Variants in NIPA1 observed in about 807,000 individuals in gnomAD.
The protein encoded by NIPA1 is NIPA magnesium transporter 1.
A neutral mutation model predicts 23.9 loss-of-function variants in NIPA1; 13 were observed. The observed-to-expected ratio is 0.54, with a 90% CI of 0.35 to 0.87. The LOEUF (loss-of-function observed/expected upper bound fraction) is 0.87, where lower values mean the gene tolerates loss of function less well. Among genes scored for constraint, NIPA1 ranks in the 40% least tolerant of loss-of-function variants. The pLI is 0.01. For missense variants in NIPA1, 362 were observed against 429.7 expected, an observed-to-expected ratio of 0.84 and a Z score of 1.39; for synonymous variants, 234 against 202.9, an observed-to-expected ratio of 1.15 and a Z score of -1.30.
At chr15:22,786,298 C>G (rs62001112), upstream of NIPA1, 38,302 of 152,244 alleles carry the variant, frequency 0.25, 6,135 homozygotes, top group Non-Finnish European at 0.36. Context: ...CGCTGCCCGC[C>G]GGTGCGTCCT....
At chr15:22,788,728 T>C (rs1406590212) in intron 1 of NIPA1, among the ~76,000 whole-genome samples, 1 of 151,178 alleles carries the variant, frequency 6.6e-6, no homozygotes, top group Non-Finnish European at 1.5e-5. Context: ...AATTGGTGAA[T>C]AGGAAAATAA....
intron 1 of NIPA1, among the ~76,000 whole-genome samples, chr15:22,806,748 A>G (rs1895219602): frequency 6.6e-6 from 1 of 152,134 alleles, no homozygotes; most frequent in South Asian, 2.1e-4. Flanking sequence ...TATCTGTATG[A>G]CGGGCCAAGG....
intron 1 of NIPA1, among the ~76,000 whole-genome samples, chr15:22,803,837 G>A (rs1487097680): frequency 6.6e-6 from 1 of 150,540 alleles, no homozygotes; most frequent in Admixed American, 6.7e-5. Flanking sequence ...CCGCCACCAC[G>A]CCCGGCTAAT....
At chr15:22,812,104 A>G in intron 2 of NIPA1, 59 bp from the exon 3 acceptor site, 2 of 1,241,546 alleles carry the variant, frequency 1.6e-6, no homozygotes, top group Middle Eastern at 1.9e-4. Context: ...TTCAACTGTG[A>G]TCAGTGCTGG....
At chr15:22,803,618 C>T (rs1296888487) in intron 1 of NIPA1, among the ~76,000 whole-genome samples, 4 of 144,960 alleles carry the variant, frequency 2.8e-5, no homozygotes, top group South Asian at 2.2e-4. Context: ...AAGTGATTCT[C>T]CTGCCTCAGC....
chr15:22,798,720 C>T (rs1322429340), intron 1 of NIPA1, among the ~76,000 whole-genome samples: 1 of 149,960 alleles, frequency 6.7e-6, no homozygotes, highest in African/African-American at 2.5e-5. Context: ...CCTGTAGTCC[C>T]AGCTACTCGG....
rs548342137 is a variant in NIPA1 at position 22,829,361 on chromosome 15, G to A, written c.*5122G>A. ...ATGTCAGGGCTCCCAAACCACTAGT[G>A]CCAAAGGGTCATGTTGAAAAGTTCA... On this transcript the variant is annotated 3_prime_UTR_variant, in exon 5 of 5. Coordinates refer to ENST00000337435, the MANE Select transcript of NIPA1 (RefSeq NM_144599.5). 6.6e-6 allele frequency: 1 copy of A among 152,410 alleles called. No homozygotes were observed. The highest frequency in any genetic ancestry group is 1.5e-5 in the Non-Finnish European group (1 of 68,038). 9.4% of individuals were successfully genotyped at this position (152,410 alleles called of 1,614,324 possible). A position where few individuals can be genotyped will look rare whatever the true frequency, so the allele number is the denominator to read the frequency against.
chr15:22,809,815 G>A (rs1045488448), intron 1 of NIPA1, among the ~76,000 whole-genome samples: 8 of 152,048 alleles, frequency 5.3e-5, no homozygotes, highest in South Asian at 2.1e-4. Context: ...CGAGGTGGGC[G>A]GATCACCTGA....
At chr15:22,804,267 C>T (rs949319174) in intron 1 of NIPA1, among the ~76,000 whole-genome samples, 7 of 151,846 alleles carry the variant, frequency 4.6e-5, no homozygotes, top group East Asian at 1.9e-4. Context: ...TGTGAGCCAC[C>T]GCACCCAGCT....
intron 3 of NIPA1, chr15:22,813,612 T>A (rs1258282051): frequency 1.5e-5 from 7 of 455,700 alleles, no homozygotes; most frequent in Non-Finnish European, 3.1e-5. Flanking sequence ...ATGGATACAT[T>A]GGTTTTCTGC....
At chr15:22,788,204 TAGA>T (rs1894751916) in intron 1 of NIPA1, among the ~76,000 whole-genome samples, 1 of 151,704 alleles carries the variant, frequency 6.6e-6, no homozygotes, top group South Asian at 2.1e-4. Context: ...CAAACCGGAG[TAGA>T]AGAACATCTT....
At chr15:22,820,552 T>C (rs1332640091) in intron 4 of NIPA1, 79 bp downstream of exon 4, 20 of 1,066,230 alleles carry the variant, frequency 1.9e-5, no homozygotes, top group Non-Finnish European at 2.9e-5. Flanking sequence ...TCAAATTGGA[T>C]GCTTCCTGGC....
intron 4 of NIPA1, among the ~76,000 whole-genome samples, chr15:22,821,057 G>A (rs12899420): frequency 0.21 from 31,666 of 150,426 alleles, 3,913 homozygotes; most frequent in East Asian, 0.51. Flanking sequence ...AGCTCACTGC[G>A]AGCTCCGCCA....
chr15:22,827,628 G>GTT lies in NIPA1; in HGVS notation c.*3390_*3391dup, dbSNP rs1895677894. On this transcript the variant is annotated 3_prime_UTR_variant, in exon 5 of 5. Coordinates refer to ENST00000337435, the MANE Select transcript of NIPA1 (RefSeq NM_144599.5). ...ACTACACCCAGTTGTCTTTCCAGAA[G>GTT]TTCATCCCAGCGGTAATATGTTGGT... 6.6e-6 allele frequency: 1 copy of GTT among 152,186 alleles called. No individual in the cohort carries two copies. The highest frequency in any genetic ancestry group is 2.4e-5 in the African/African-American group (1 of 41,426). The allele number at this position is 152,186 out of a possible 1,614,324, so 9.4% of individuals were successfully genotyped here.
intron 3 of NIPA1, among the ~76,000 whole-genome samples, chr15:22,814,899 C>T (rs1895387032): frequency 6.6e-6 from 1 of 152,164 alleles, no homozygotes. Context: ...ACTGTTGATG[C>T]TTGAAGCCAG....
intron 1 of NIPA1, among the ~76,000 whole-genome samples, chr15:22,807,154 AT>A (rs1895226411): frequency 6.6e-6 from 1 of 152,120 alleles, no homozygotes; most frequent in Non-Finnish European, 1.5e-5. Flanking sequence ...AACAAAAACC[AT>A]TTTGTTCACT....
At chr15:22,810,912 C>G in intron 2 of NIPA1, 116 bp downstream of exon 2, 9 of 826,192 alleles carry the variant, frequency 1.1e-5, no homozygotes, top group Non-Finnish European at 1.9e-5. Flanking sequence ...GAGGGTGTCG[C>G]GTGGCCTCTC....
rs1195940038 is a variant in NIPA1, at chr15:22,808,103, CTTTA to C, written c.179-2639_179-2636del. ...TGCACCCGGCCCACTTTGTTAAGTACTTTATTTATTAGTTATGGTGGTTTTGTTG... is the reference window on the plus strand; with the variant it reads ...TGCACCCGGCCCACTTTGTTAAGTACTTTATTAGTTATGGTGGTTTTGTTG... On this transcript the variant is annotated intron_variant, in intron 1 of 4. Coordinates refer to ENST00000337435, the MANE Select transcript of NIPA1 (RefSeq NM_144599.5). Among the ~76,000 whole-genome samples the C allele has an allele frequency of 4.6e-5, 7 of 152,160 alleles. No individual in the cohort carries two copies. In the East Asian group the frequency reaches 9.6e-4, roughly 21 times the overall value.
chr15:22,812,128 A>G, intron 2 of NIPA1, 35 bp from the exon 3 acceptor site: 2 of 1,469,000 alleles, frequency 1.4e-6, no homozygotes, highest in South Asian at 2.3e-5. Context: ...AGAGCTCTGT[A>G]ATTGCAAGTA....
Sources: gnomAD v4.1 joint callset for allele counts (sites outside exome capture counted in the v4.1 genomes callset) on GRCh38, gnomAD v4.1.1 for gene constraint, MANE v1.5 for transcripts, NCBI Gene and HGNC (gene_info 2026-07-23, HGNC 2026-07-21) for gene names.